ANKRD45: variants seen among roughly 807,000 people sequenced by gnomAD.
The protein encoded by ANKRD45 is ankyrin repeat domain-containing protein 45.
Under a neutral mutation model 28.1 loss-of-function variants are expected in ANKRD45, and 21 were observed. The observed-to-expected ratio is 0.75, with a 90% confidence interval of 0.53 to 1.08. The LOEUF (loss-of-function observed/expected upper bound fraction) is 1.08. Among genes scored for constraint, ANKRD45 ranks in the 50% least tolerant of loss-of-function variants. ANKRD45 has a pLI of 0.00. For missense variants in ANKRD45, 261 were observed against 308.7 expected (o/e 0.85, Z 1.16); for synonymous variants, 86 against 103.9 (o/e 0.83, Z 1.05).
In ANKRD45 at chr1:173,669,456, A is replaced by G. The variant is rs1246357826; in HGVS notation, c.-16+361T>C. 7 of 455,660 alleles carry G rather than the reference A, an allele frequency of 1.5e-5. No individual in the cohort carries two copies. In the Admixed American group the frequency reaches 1.6e-4, roughly 11 times the overall value. The allele number at this position is 455,660 out of a possible 1,614,324, so 28.2% of individuals were successfully genotyped here. A position where few individuals can be genotyped will look rare whatever the true frequency, so the allele number is the denominator to read the frequency against. On this transcript the variant is annotated intron_variant, in intron 1 of 5. Transcript: ENST00000333279. ...TCCCAGCTCAAGGAGAAGGACCCCAAGGGCAACCCTGGGCACACAGAGTTA... is the reference window on the plus strand; with the variant it reads ...TCCCAGCTCAAGGAGAAGGACCCCAGGGGCAACCCTGGGCACACAGAGTTA...
chr1:173,631,146 A>T (rs909638308), intron 3 of ANKRD45, among the ~76,000 whole-genome samples: 1 of 152,196 alleles, frequency 6.6e-6, no homozygotes, highest in African/African-American at 2.4e-5. Context: ...TTCCATGCCA[A>T]TGGAAACCAA....
the ANKRD45 span, among the ~76,000 whole-genome samples, chr1:173,681,890 A>C: frequency 1.4e-4 from 21 of 152,178 alleles, 1 homozygote; most frequent in East Asian, 4.1e-3. Flanking sequence ...TCTCTACTAA[A>C]AATACAAAAA....
chr1:173,624,735 A>T (rs907127250), intron 5 of ANKRD45, 52 bp downstream of exon 5: 122 of 1,549,466 alleles, frequency 7.9e-5, no homozygotes, highest in Non-Finnish European at 1.0e-4. Flanking sequence ...ACAACATTGA[A>T]CTTAATTTTC....
intron 3 of ANKRD45, 106 bp downstream of exon 3, chr1:173,646,740 G>GT (rs2102360251): frequency 1.8e-6 from 2 of 1,128,766 alleles, no homozygotes; most frequent in South Asian, 3.1e-5. Context: ...GACTGTGGTT[G>GT]TATCTACAAA....
At chr1:173,673,324 G>T (rs981598478), upstream of ANKRD45, among the ~76,000 whole-genome samples, 2 of 151,892 alleles carry the variant, frequency 1.3e-5, no homozygotes, top group Non-Finnish European at 2.9e-5. Context: ...TGTTGGGCAG[G>T]CTGGTCTCGA....
chr1:173,617,751 C>A (rs1314166583), intron 5 of ANKRD45, among the ~76,000 whole-genome samples: 1 of 152,246 alleles, frequency 6.6e-6, no homozygotes, highest in African/African-American at 2.4e-5. Context: ...CTATCCCCAA[C>A]ACAGCACACC....
the ANKRD45 span, among the ~76,000 whole-genome samples, chr1:173,694,229 T>C: frequency 6.6e-6 from 1 of 152,046 alleles, no homozygotes; most frequent in Non-Finnish European, 1.5e-5. Context: ...AGTGGCATGA[T>C]CTTGGCTCAC....
At chr1:173,714,055 C>A in the ANKRD45 span, among the ~76,000 whole-genome samples, 3 of 152,098 alleles carry the variant, frequency 2.0e-5, no homozygotes, top group African/African-American at 4.8e-5. Context: ...GTATCCTTTC[C>A]CCTCAGAAAC....
At chr1:173,632,599 T>C (rs549694154) in intron 3 of ANKRD45, among the ~76,000 whole-genome samples, 1 of 147,774 alleles carries the variant, frequency 6.8e-6, no homozygotes, top group East Asian at 2.0e-4. Context: ...GATGCAAAAA[T>C]CCTCAACAAA....
chr1:173,617,526 G>C (rs1337676835), intron 5 of ANKRD45, among the ~76,000 whole-genome samples: 1 of 152,234 alleles, frequency 6.6e-6, no homozygotes, highest in African/African-American at 2.4e-5. Flanking sequence ...TGGCCAGATT[G>C]CTTCTTTAAA....
At chr1:173,633,934 A>AT (rs1411769560) in intron 3 of ANKRD45, among the ~76,000 whole-genome samples, 7 of 152,058 alleles carry the variant, frequency 4.6e-5, no homozygotes, top group Admixed American at 6.6e-5. Flanking sequence ...CTGGGCAAAG[A>AT]TTTTTTCAGT....
At chr1:173,626,297 G>A (rs1462504597) in intron 4 of ANKRD45, among the ~76,000 whole-genome samples, 2 of 152,124 alleles carry the variant, frequency 1.3e-5, no homozygotes, top group African/African-American at 4.8e-5. Flanking sequence ...GATACCTTCA[G>A]TATATTTTTT....
the ANKRD45 span, among the ~76,000 whole-genome samples, chr1:173,682,752 A>G: frequency 6.7e-6 from 1 of 150,374 alleles, no homozygotes; most frequent in Non-Finnish European, 1.5e-5. Context: ...AATTAAGCTG[A>G]CTTTAACTAT....
the ANKRD45 span, among the ~76,000 whole-genome samples, chr1:173,689,779 T>G: frequency 3.9e-4 from 60 of 152,272 alleles, no homozygotes; most frequent in African/African-American, 1.3e-3. Flanking sequence ...TCTGCGTTGT[T>G]ATTGTCCCAC....
chr1:173,613,524 C>T (rs544353903), intron 5 of ANKRD45, among the ~76,000 whole-genome samples: 41 of 147,454 alleles, frequency 2.8e-4, no homozygotes, highest in East Asian at 1.0e-3. Flanking sequence ...AGCCCCCGCC[C>T]GGCCAGCCGC....
intron 1 of ANKRD45, 73 bp from the exon 2 acceptor site, chr1:173,659,506 G>C: frequency 7.7e-7 from 1 of 1,302,198 alleles, no homozygotes; most frequent in Non-Finnish European, 1.0e-6. Context: ...TATTTGCTCA[G>C]TCAACTGACA....
At position 173,609,391 on chromosome 1, in the gene ANKRD45, G is replaced by T. The variant is rs1667050716; in HGVS notation, c.*754C>A. 6.6e-6 allele frequency among the ~76,000 whole-genome samples: 1 copy of T among 152,184 alleles called. No homozygotes were observed. The highest frequency in any genetic ancestry group is 2.4e-5 in the African/African-American group (1 of 41,436). On this transcript the variant is annotated 3_prime_UTR_variant, in exon 6 of 6. Transcript: ENST00000333279. ...CCATAAAGTCACAACGTAAGAGAAG[G>T]TTGAGGCGCCTGATTAAATAAATTA...
At chr1:173,714,956 G>A in the ANKRD45 span, 1 of 152,534 alleles carries the variant, frequency 6.6e-6, no homozygotes, top group Non-Finnish European at 1.5e-5. Flanking sequence ...CCGGTGAAGG[G>A]AAAGGAAATA....
In ANKRD45 at chr1:173,659,351, T is replaced by A. The variant is rs1669683877; in HGVS notation, c.68A>T (p.Glu23Val). ...EFFSQQEEEN[E>V]EEEAQEPEET... ...CTCTGGTTCTTGGGCTTCTTCTTCT[T>A]CATTTTCCTCTTCTTGCTGTGAGAA... Residue 23 changes from glutamate (E) to valine (V), a missense_variant, in exon 2 of 6, where the codon GAA (glutamate) becomes GTA (valine). By Grantham distance (121) the Glu-to-Val change is moderately radical. Coordinates refer to ENST00000333279, the MANE Select transcript of ANKRD45 (RefSeq NM_198493.3). 1.2e-5 allele frequency: 20 copies of A among 1,611,784 alleles called. No homozygotes were observed. Among genetic ancestry groups the A allele is most frequent in the Non-Finnish European group, 1.7e-5 (20 of 1,179,418 alleles).
Sources: allele counts gnomAD v4.1 joint callset (sites outside exome capture counted in the v4.1 genomes callset), GRCh38; gene constraint gnomAD v4.1.1; transcripts MANE v1.5; gene names NCBI Gene and HGNC (gene_info 2026-07-23, HGNC 2026-07-21).